SYTL3: variants seen among roughly 807,000 people sequenced by gnomAD.
The protein encoded by SYTL3 is synaptotagmin-like protein 3.
Under a neutral mutation model 82.1 loss-of-function variants are expected in SYTL3, and 88 were observed. The ratio of observed to expected loss-of-function variants is 1.07; its 90% CI spans 0.90 to 1.28. The LOEUF is 1.28. Among genes scored for constraint, SYTL3 ranks in the 50% most tolerant of loss-of-function variants. The pLI is 0.00. For missense variants in SYTL3, 831 were observed against 757.6 expected, an observed-to-expected ratio of 1.10 and a Z score of -1.14; for synonymous variants, 311 against 289.4, an observed-to-expected ratio of 1.07 and a Z score of -0.76.
rs1789953193 is a variant in SYTL3 at position 158,665,603 on chromosome 6, T to C, written c.319T>C (p.Phe107Leu). The C allele has an allele frequency of 3.8e-6, 6 of 1,561,218 alleles. No individual in the cohort carries two copies. Among genetic ancestry groups the C allele is most frequent in the Middle Eastern group, 1.9e-4 (1 of 5,324 alleles). Residue 107 changes from phenylalanine to leucine, a missense_variant, in exon 5 of 18, where the codon TTC (phenylalanine) becomes CTC (leucine). Transcript: ENST00000611299. ...CCATGCCTGGAAGTGCACGGTGTGC[T>C]TCGAGGACAGGTAAGCATGGCCGGT... is the stretch of plus-strand genomic sequence containing the variant. ...GTHAWKCTVC[F>L]EDRNVKIKTG... is the part of the protein sequence containing the mutation.
At chr6:158,693,855 C>CTTTTCTTTTCTTTTTTTTTTT (rs71030191) in intron 6 of SYTL3, among the ~76,000 whole-genome samples, 1 of 96,866 alleles carries the variant, frequency 1.0e-5, no homozygotes, top group African/African-American at 5.4e-5. Flanking sequence ...TTTTTCTTTT[C>CTTTTCTTTTCTTTTTTTTTTT]TTTTTTTTTT....
In SYTL3 at chr6:158,725,757, C is replaced by A. The variant is rs947086743; in HGVS notation, c.855+120C>A. On this transcript the variant is annotated intron_variant, in intron 11 of 17. Transcript: ENST00000611299. ...GAAGGTCCTTATTTTTGGAGAACAGCAAGGCATTTTATTATCCATCCTTCC... is the reference window on the plus strand; with the variant it reads ...GAAGGTCCTTATTTTTGGAGAACAGAAAGGCATTTTATTATCCATCCTTCC... The A allele has an allele frequency of 4.6e-6, 6 of 1,315,574 alleles. No individual in the cohort carries two copies. The African/African-American group carries it at 8.9e-5, about 19-fold the overall frequency. 81.5% of individuals were successfully genotyped at this position (1,315,574 alleles called of 1,614,324 possible). A position where few individuals can be genotyped will look rare whatever the true frequency, so the allele number is the denominator to read the frequency against.
chr6:158,646,714 T>G (rs1271603839), upstream of SYTL3, among the ~76,000 whole-genome samples: 1 of 152,246 alleles, frequency 6.6e-6, no homozygotes, highest in Non-Finnish European at 1.5e-5. Flanking sequence ...CCTTGGATTC[T>G]GAACTTTATC....
intron 6 of SYTL3, among the ~76,000 whole-genome samples, chr6:158,705,938 C>T (rs1246365796): frequency 6.6e-6 from 1 of 152,148 alleles, no homozygotes; most frequent in African/African-American, 2.4e-5. Context: ...CTCTTGCTTC[C>T]ATGGCCAGCA....
intron 2 of SYTL3, among the ~76,000 whole-genome samples, chr6:158,659,098 A>G (rs191165800): frequency 6.6e-6 from 1 of 152,330 alleles, no homozygotes; most frequent in East Asian, 1.9e-4. Flanking sequence ...AAGTCTCTAA[A>G]AGTGAAGAGT....
In SYTL3 at chr6:158,757,311, T is replaced by C. The variant is rs749480293; in HGVS notation, c.1238T>C (p.Ile413Thr). 1 of 1,613,930 alleles carries C rather than the reference T, an allele frequency of 6.2e-7. No individual in the cohort carries two copies. The highest frequency in any genetic ancestry group is 1.1e-5 in the South Asian group (1 of 91,072). ...ARRVFLGEVI[I>T]PLATWDFEDS... ...AGAGTGTTTCTTGGAGAAGTGATCA[T>C]TCCTCTGGCCACGTGGGACTTTGAA... The change falls in exon 14 of 18, where the codon ATT (isoleucine) becomes ACT (threonine). Residue 413 changes from isoleucine (I) to threonine (T), a missense_variant. Coordinates refer to ENST00000611299, the MANE Select transcript of SYTL3 (RefSeq NM_001242394.2).
At chr6:158,755,081 G>C (rs1469149734) in intron 13 of SYTL3, among the ~76,000 whole-genome samples, 1 of 152,342 alleles carries the variant, frequency 6.6e-6, no homozygotes, top group East Asian at 1.9e-4. Context: ...GGAGGCTCAC[G>C]CTTGTAATCC....
In SYTL3 at chr6:158,665,587, G is replaced by C. The variant is rs764805848; in HGVS notation, c.303G>C (p.Trp101Cys). 6.4e-7 allele frequency: 1 copy of C among 1,572,522 alleles called. No individual in the cohort carries two copies. The highest frequency in any genetic ancestry group is 1.2e-5 in the South Asian group (1 of 85,650). ...CRVFLRGTHA[W>C]KCTVCFEDRN... ...TGTTCCTGAGGGGGACCCATGCCTG[G>C]AAGTGCACGGTGTGCTTCGAGGACA... Residue 101 changes from tryptophan (W) to cysteine (C), a missense_variant, in exon 5 of 18, where the codon TGG (tryptophan) becomes TGC (cysteine). Physicochemically the swap from Trp to Cys is radical, Grantham distance 215. Coordinates refer to ENST00000611299, the MANE Select transcript of SYTL3 (RefSeq NM_001242394.2).
At chr6:158,710,771 C>CTT (rs3062743) in intron 8 of SYTL3, among the ~76,000 whole-genome samples, 36,706 of 141,092 alleles carry the variant, frequency 0.26, 4,925 homozygotes, top group Non-Finnish European at 0.31. Context: ...GTGGTCTAAG[C>CTT]TTTTTTTTTT....
At chr6:158,686,391 G>T (rs1005155481) in intron 6 of SYTL3, among the ~76,000 whole-genome samples, 1 of 152,120 alleles carries the variant, frequency 6.6e-6, no homozygotes, top group Non-Finnish European at 1.5e-5. Flanking sequence ...TTCCTCAAAT[G>T]CCAGGGTGCC....
At chr6:158,707,705 A>G (rs1562403384) in intron 7 of SYTL3, among the ~76,000 whole-genome samples, 2 of 152,204 alleles carry the variant, frequency 1.3e-5, no homozygotes, top group African/African-American at 4.8e-5. Context: ...GGCCTGAGAG[A>G]TGTGAACTTC....
chr6:158,740,989 A>G (rs941656201), intron 11 of SYTL3, among the ~76,000 whole-genome samples: 1 of 152,156 alleles, frequency 6.6e-6, no homozygotes, highest in African/African-American at 2.4e-5. Flanking sequence ...ATGCTTGAAG[A>G]AGTAGTAGTC....
At chr6:158,663,400 G>A in intron 4 of SYTL3, 22 bp downstream of exon 4, 3 of 1,611,330 alleles carry the variant, frequency 1.9e-6, no homozygotes, top group Non-Finnish European at 2.5e-6. Flanking sequence ...TTCCCGGGGG[G>A]TCACTTTGGG....
chr6:158,756,718 A>AT (rs1554266255), intron 13 of SYTL3, among the ~76,000 whole-genome samples: 6,600 of 46,394 alleles, frequency 0.14, 370 homozygotes, highest in Non-Finnish European at 0.17. Flanking sequence ...CTCAAAAAAA[A>AT]ATTTTTTTTT....
intron 13 of SYTL3, among the ~76,000 whole-genome samples, chr6:158,753,172 C>G (rs1188202399): frequency 6.7e-6 from 1 of 150,344 alleles, no homozygotes; most frequent in African/African-American, 2.5e-5. Flanking sequence ...ACCTCCACCT[C>G]CCAGGTTCAA....
intron 6 of SYTL3, among the ~76,000 whole-genome samples, chr6:158,702,349 T>TAA (rs1459236063): frequency 4.8e-4 from 72 of 150,402 alleles, no homozygotes; most frequent in Non-Finnish European, 9.2e-4. Context: ...AAAAAAAATT[T>TAA]TTTTTTTTTT....
intron 6 of SYTL3, among the ~76,000 whole-genome samples, chr6:158,693,009 C>T (rs1780089332): frequency 6.6e-6 from 1 of 152,094 alleles, no homozygotes; most frequent in African/African-American, 2.4e-5. Flanking sequence ...TATCCCAGTG[C>T]CCTGCCTGCC....
At chr6:158,700,838 G>A (rs181947193) in intron 6 of SYTL3, among the ~76,000 whole-genome samples, 184 of 152,092 alleles carry the variant, frequency 1.2e-3, no homozygotes, top group East Asian at 3.9e-3. Context: ...GGATGGTCTC[G>A]ATCTCCTGAC....
At chr6:158,676,952 TTGG>T (rs1254531679) in intron 5 of SYTL3, among the ~76,000 whole-genome samples, 5 of 152,126 alleles carry the variant, frequency 3.3e-5, no homozygotes, top group African/African-American at 1.2e-4. Flanking sequence ...TTTTACACTG[TTGG>T]TGGGACTGTA....
Sources: allele counts gnomAD v4.1 joint callset (sites outside exome capture counted in the v4.1 genomes callset), GRCh38; gene constraint gnomAD v4.1.1; transcripts MANE v1.5; gene names NCBI Gene and HGNC (gene_info 2026-07-23, HGNC 2026-07-21).